LDAH: variants seen among roughly 807,000 people sequenced by gnomAD.
The protein encoded by LDAH is lipid droplet associated hydrolase.
Under a neutral mutation model 29.6 loss-of-function variants are expected in LDAH, and 26 were observed. The ratio of observed to expected loss-of-function variants is 0.88; its 90% confidence interval spans 0.64 to 1.22. LDAH has a LOEUF of 1.22. Among genes scored for constraint, LDAH ranks in the 50% most tolerant of loss-of-function variants. The pLI, the probability that LDAH is intolerant of heterozygous loss-of-function variation, is 0.00. For synonymous variants in LDAH, 117 were observed against 133.0 expected, an observed-to-expected ratio of 0.88 and a Z score of 0.83; for missense variants, 344 against 387.3, an observed-to-expected ratio of 0.89 and a Z score of 0.94.
chr2:20,766,823 C>G (rs1004371), intron 4 of LDAH, among the ~76,000 whole-genome samples: 1,577 of 152,318 alleles, frequency 0.01, 36 homozygotes, highest in African/African-American at 0.036. Context: ...GGTGGTGGGT[C>G]CCCTGTGCCC....
Position 20,684,996 on chromosome 2 carries a change from G to T in LDAH, c.*1907C>A. 1 of 1,537,518 alleles carries T rather than the reference G, an allele frequency of 6.5e-7. No homozygotes were observed. Among genetic ancestry groups the T allele is most frequent in the South Asian group, 1.2e-5 (1 of 81,698 alleles). On this transcript the variant is annotated 3_prime_UTR_variant, in exon 7 of 7. Transcript: ENST00000237822. ...ACTTTGAGCCGAGTCTAACTCAGGA[G>T]AACTGCTCAAATTGTACCCTCTCTT...
intron 2 of LDAH, among the ~76,000 whole-genome samples, chr2:20,791,035 C>G (rs945530682): frequency 6.6e-6 from 1 of 152,174 alleles, no homozygotes; most frequent in Admixed American, 6.5e-5. Context: ...CCATCAATAT[C>G]TATTTCTCTG....
At chr2:20,736,244 C>G (rs1666774077) in intron 5 of LDAH, among the ~76,000 whole-genome samples, 1 of 152,138 alleles carries the variant, frequency 6.6e-6, no homozygotes, top group African/African-American at 2.4e-5. Context: ...GAGGTTGAGA[C>G]CAGCCTGGCC....
chr2:20,710,563 C>T (rs906448255), intron 5 of LDAH, among the ~76,000 whole-genome samples: 2 of 147,702 alleles, frequency 1.4e-5, no homozygotes, highest in African/African-American at 2.5e-5. Flanking sequence ...ATATGACTCA[C>T]CCCGGACTAT....
At chr2:20,687,822 T>C (rs1299064116) in intron 6 of LDAH, among the ~76,000 whole-genome samples, 1 of 152,228 alleles carries the variant, frequency 6.6e-6, no homozygotes, top group Non-Finnish European at 1.5e-5. Context: ...TATGTTCTAG[T>C]TCTGTTAGTT....
At position 20,818,162 on chromosome 2, in the gene LDAH, G is replaced by A. The variant is rs145322378; in HGVS notation, c.-3+4875C>T. Among the ~76,000 whole-genome samples the A allele has an allele frequency of 2.6e-5, 4 of 152,186 alleles. No individual in the cohort carries two copies. In the East Asian group the frequency reaches 7.7e-4, roughly 29 times the overall value. On this transcript the variant is annotated intron_variant, in intron 1 of 6. Coordinates refer to ENST00000237822, the MANE Select transcript of LDAH (RefSeq NM_021925.4). ...ATGTCAATTTCCCAGTTTTAATATC[G>A]TACCACAGTTATCCAAGTTGTTACC... is the stretch of plus-strand genomic sequence containing the variant.
chr2:20,696,185 G>A (rs974742505), intron 6 of LDAH, among the ~76,000 whole-genome samples: 3 of 152,214 alleles, frequency 2.0e-5, no homozygotes, highest in African/African-American at 7.2e-5. Flanking sequence ...CTGGTCCAGG[G>A]AGCATTTCCT....
chr2:20,733,153 C>T (rs576840492), intron 5 of LDAH, among the ~76,000 whole-genome samples: 1 of 151,896 alleles, frequency 6.6e-6, no homozygotes, highest in Non-Finnish European at 1.5e-5. Context: ...ACATTTTTGT[C>T]TCATCACTGT....
At chr2:20,797,321 C>G (rs534649376) in intron 2 of LDAH, among the ~76,000 whole-genome samples, 4 of 152,198 alleles carry the variant, frequency 2.6e-5, no homozygotes, top group Non-Finnish European at 5.9e-5. Flanking sequence ...CCTCCTTTCC[C>G]CTGTTCCTCT....
chr2:20,711,841 T>C (rs1207074678), intron 5 of LDAH, among the ~76,000 whole-genome samples: 1 of 152,094 alleles, frequency 6.6e-6, no homozygotes, highest in Non-Finnish European at 1.5e-5. Flanking sequence ...GGGAGGGGCG[T>C]CCACCATTGC....
At chr2:20,819,213 A>G (rs1196480223) in intron 1 of LDAH, among the ~76,000 whole-genome samples, 1 of 142,076 alleles carries the variant, frequency 7.0e-6, no homozygotes, top group Non-Finnish European at 1.5e-5. Flanking sequence ...AATTACACAC[A>G]CAATTTTTTT....
At chr2:20,749,151 A>G (rs1036598525) in intron 4 of LDAH, among the ~76,000 whole-genome samples, 2 of 152,170 alleles carry the variant, frequency 1.3e-5, no homozygotes, top group African/African-American at 4.8e-5. Flanking sequence ...CAGAGATCAT[A>G]AAGTCTAGTG....
At position 20,685,643 on chromosome 2, in the gene LDAH, C is replaced by T. The variant is rs748698130; in HGVS notation, c.*1260G>A. On this transcript the variant is annotated 3_prime_UTR_variant, in exon 7 of 7. Coordinates refer to ENST00000237822, the MANE Select transcript of LDAH (RefSeq NM_021925.4). ...CATTGTCCTTAGGGAATGATAATGC[C>T]ATGAGGGATTTCCTCTAGGAGAAAA... 4.6e-5 allele frequency: 72 copies of T among 1,550,022 alleles called. No individual in the cohort carries two copies. Among genetic ancestry groups the T allele is most frequent in the Admixed American group, 1.8e-4 (9 of 50,952 alleles).
chr2:20,756,701 T>C (rs914338748), intron 4 of LDAH, among the ~76,000 whole-genome samples: 33 of 151,948 alleles, frequency 2.2e-4, no homozygotes, highest in African/African-American at 7.3e-4. Flanking sequence ...AAATGGATAA[T>C]GGAAAAGAAA....
At chr2:20,691,253 G>A (rs1339832989) in intron 6 of LDAH, among the ~76,000 whole-genome samples, 1 of 152,128 alleles carries the variant, frequency 6.6e-6, no homozygotes, top group Non-Finnish European at 1.5e-5. Context: ...CAGCTTACTG[G>A]AGCCTTGACC....
chr2:20,782,863 T>C (rs1183133837), intron 3 of LDAH, among the ~76,000 whole-genome samples: 1 of 152,178 alleles, frequency 6.6e-6, no homozygotes, highest in Non-Finnish European at 1.5e-5. Flanking sequence ...TTCTCTTTGC[T>C]TTAGGCTTAA....
At chr2:20,713,120 T>A (rs1664895618) in intron 5 of LDAH, among the ~76,000 whole-genome samples, 1 of 151,770 alleles carries the variant, frequency 6.6e-6, no homozygotes, top group African/African-American at 2.4e-5. Context: ...AAGGAAAAAA[T>A]GTTAAGGGCA....
chr2:20,808,607 G>A (rs1427994660), intron 1 of LDAH, among the ~76,000 whole-genome samples: 1 of 149,132 alleles, frequency 6.7e-6, no homozygotes, highest in Admixed American at 6.7e-5. Context: ...GCAGTGAGCA[G>A]AGATCATGCC....
chr2:20,708,356 C>T (rs138744267), intron 5 of LDAH, among the ~76,000 whole-genome samples: 1 of 152,146 alleles, frequency 6.6e-6, no homozygotes. Context: ...AGCCTAGAAG[C>T]AAGACCAGAA....
Sources: allele counts gnomAD v4.1 joint callset (sites outside exome capture counted in the v4.1 genomes callset), GRCh38; gene constraint gnomAD v4.1.1; transcripts MANE v1.5; gene names NCBI Gene and HGNC (gene_info 2026-07-23, HGNC 2026-07-21).